Variants in CTNNA2 observed in about 807,000 individuals in gnomAD.
CTNNA2 encodes catenin alpha-2.
CTNNA2 carries 42 observed loss-of-function variants against 101.0 expected under a neutral mutation model. The ratio of observed to expected loss-of-function variants is 0.42; its 90% CI spans 0.32 to 0.54. The LOEUF is 0.54. CTNNA2 is among the 20% of genes least tolerant of loss of function. CTNNA2 has a pLI of 0.14. For missense variants in CTNNA2, 871 were observed against 1,223.1 expected (o/e 0.71, Z 4.29); for synonymous variants, 450 against 456.4 (o/e 0.99, Z 0.18).
intron 2 of CTNNA2, among the ~76,000 whole-genome samples, chr2:79,730,934 G>A (rs189838683): frequency 1.3e-5 from 2 of 151,962 alleles, no homozygotes; most frequent in Admixed American, 1.3e-4. Flanking sequence ...TTGATGCAAT[G>A]AGGTTTATAT....
intron 4 of CTNNA2, among the ~76,000 whole-genome samples, chr2:79,481,847 A>C (rs999657588): frequency 6.6e-6 from 1 of 152,174 alleles, no homozygotes; most frequent in Non-Finnish European, 1.5e-5. Context: ...AAGGCCTTCA[A>C]CTCCAGAGTG....
At chr2:79,813,683 A>G (rs897665993) in intron 3 of CTNNA2, among the ~76,000 whole-genome samples, 5 of 152,182 alleles carry the variant, frequency 3.3e-5, no homozygotes, top group African/African-American at 9.7e-5. Context: ...TTTAAATCAC[A>G]GGAGCAAATA....
chr2:79,356,155 T>G (rs1055065931), intron 3 of CTNNA2, among the ~76,000 whole-genome samples: 1 of 151,516 alleles, frequency 6.6e-6, no homozygotes, highest in African/African-American at 2.4e-5. Context: ...TCTTAATGGG[T>G]GTGAAGTGGT....
At chr2:79,849,196 C>A (rs1680475801) in intron 3 of CTNNA2, among the ~76,000 whole-genome samples, 1 of 152,012 alleles carries the variant, frequency 6.6e-6, no homozygotes, top group Admixed American at 6.5e-5. Context: ...ATAAAGAGAC[C>A]ATGGAGCCCA....
chr2:79,835,637 C>G (rs979482048), intron 3 of CTNNA2, among the ~76,000 whole-genome samples: 6 of 139,682 alleles, frequency 4.3e-5, no homozygotes, highest in Non-Finnish European at 6.1e-5. Context: ...ATCCTTGCCA[C>G]TTTCTGTGCT....
intron 7 of CTNNA2, among the ~76,000 whole-genome samples, chr2:80,191,796 G>A (rs1573350263): frequency 6.6e-6 from 1 of 152,178 alleles, no homozygotes; most frequent in Non-Finnish European, 1.5e-5. Flanking sequence ...CATGGATACT[G>A]ATTAAGGCAT....
Position 79,664,705 on chromosome 2 carries a change from C to CTT in CTNNA2, c.102+13072_102+13073dup, listed in dbSNP as rs67782114. On this transcript the variant is annotated intron_variant, in intron 2 of 18. Transcript: ENST00000402739. The stretch of plus-strand genomic sequence containing the variant: ...TAAATTCTGGAGAATTCACATTCTT[C>CTT]TTTTTTTTTTTTTTTTTTTTTTTTT... Among the ~76,000 whole-genome samples the CTT allele has an allele frequency of 1.1e-3, 104 of 94,984 alleles. 8 individuals carry two copies. The highest frequency in any genetic ancestry group is 3.7e-3 in the African/African-American group (84 of 22,944). The allele number at this position is 94,984 out of a possible 152,430, so 62.3% of individuals were successfully genotyped here. A position where few individuals can be genotyped will look rare whatever the true frequency, so the allele number is the denominator to read the frequency against.
intron 2 of CTNNA2, among the ~76,000 whole-genome samples, chr2:79,703,332 T>C (rs1473322899): frequency 6.6e-6 from 1 of 152,202 alleles, no homozygotes; most frequent in African/African-American, 2.4e-5. Context: ...TTGTTTTTTT[T>C]CCCCAAACTT....
chr2:80,534,305 A>G (rs1019481220), intron 9 of CTNNA2, among the ~76,000 whole-genome samples: 9 of 152,180 alleles, frequency 5.9e-5, no homozygotes, highest in Non-Finnish European at 1.3e-4. Flanking sequence ...GATGTTGTAT[A>G]AGGTTCACTT....
intron 1 of CTNNA2, among the ~76,000 whole-genome samples, chr2:79,638,063 C>T (rs1312803519): frequency 1.3e-5 from 2 of 152,206 alleles, no homozygotes; most frequent in Admixed American, 6.5e-5. Context: ...CTCCCATTCA[C>T]TCCAGCATAC....
chr2:80,263,029 G>A (rs1049959369), intron 7 of CTNNA2, among the ~76,000 whole-genome samples: 4 of 152,130 alleles, frequency 2.6e-5, no homozygotes, highest in African/African-American at 9.7e-5. Flanking sequence ...CTCGGAAATG[G>A]AATTTCTTTA....
At chr2:80,476,018 C>A in intron 9 of CTNNA2, among the ~76,000 whole-genome samples, 1 of 152,142 alleles carries the variant, frequency 6.6e-6, no homozygotes, top group East Asian at 1.9e-4. Flanking sequence ...CAAGGTTCAC[C>A]CAGTCACCAG....
intron 9 of CTNNA2, among the ~76,000 whole-genome samples, chr2:80,461,689 A>C (rs1393918911): frequency 6.6e-6 from 1 of 152,188 alleles, no homozygotes; most frequent in Non-Finnish European, 1.5e-5. Context: ...CTTAAAAAAA[A>C]AAAGTCTTTT....
At chr2:80,340,132 A>G (rs1672101176) in intron 7 of CTNNA2, among the ~76,000 whole-genome samples, 1 of 152,200 alleles carries the variant, frequency 6.6e-6, no homozygotes, top group East Asian at 1.9e-4. Context: ...TTATCACTTG[A>G]AGTCAGGCTA....
chr2:80,318,131 C>G (rs1338886259), intron 7 of CTNNA2, among the ~76,000 whole-genome samples: 3 of 152,148 alleles, frequency 2.0e-5, no homozygotes, highest in Admixed American at 1.3e-4. Context: ...GTTTTCTTAA[C>G]TGTGCTAAGT....
intron 7 of CTNNA2, among the ~76,000 whole-genome samples, chr2:80,014,722 A>G (rs1414315379): frequency 6.6e-6 from 1 of 152,182 alleles, no homozygotes; most frequent in Admixed American, 6.5e-5. Flanking sequence ...TTTCATAAAT[A>G]TTTGTCAACA....
At position 80,205,278 on chromosome 2, in the gene CTNNA2, G is replaced by GA. The variant is rs199505266; in HGVS notation, c.1057-187925dup. On this transcript the variant is annotated intron_variant, in intron 7 of 18. Transcript: ENST00000402739. ...CCCCCAACACCTGAATAATGAAAAA[G>GA]AAAAAAAACCATACACACAGAAACT... Among the ~76,000 whole-genome samples the GA allele has an allele frequency of 3.5e-3, 534 of 151,364 alleles. 1 individual carries two copies. The highest frequency in any genetic ancestry group is 6.8e-3 in the Middle Eastern group (2 of 292).
At chr2:79,628,618 A>AG (rs1367611695) in intron 1 of CTNNA2, among the ~76,000 whole-genome samples, 25 of 152,344 alleles carry the variant, frequency 1.6e-4, no homozygotes, top group African/African-American at 6.0e-4. Context: ...GCTCCATAGA[A>AG]GCAGTTCAGA....
intron 1 of CTNNA2, among the ~76,000 whole-genome samples, chr2:79,519,469 A>G (rs1671988415): frequency 6.6e-6 from 1 of 152,078 alleles, no homozygotes; most frequent in Non-Finnish European, 1.5e-5. Context: ...TCAACCAGCT[A>G]ATTAATTTGT....
Sources: gnomAD v4.1 joint callset for allele counts (sites outside exome capture counted in the v4.1 genomes callset) on GRCh38, gnomAD v4.1.1 for gene constraint, MANE v1.5 for transcripts, NCBI Gene and HGNC (gene_info 2026-07-23, HGNC 2026-07-21) for gene names.